The following DGCR8 variants were observed in gnomAD, a reference collection of about 807,000 sequenced individuals.
DGCR8 encodes the protein microprocessor complex subunit DGCR8.
DGCR8 carries 14 observed loss-of-function variants against 78.5 expected under a neutral mutation model. The observed-to-expected ratio is 0.18, with a 90% CI of 0.12 to 0.28. The LOEUF (loss-of-function observed/expected upper bound fraction) is 0.28, where lower values mean the gene tolerates loss of function less well. DGCR8 is among the 10% of genes least tolerant of loss of function. The pLI, the probability that DGCR8 is intolerant of heterozygous loss-of-function variation, is 1.00. For synonymous variants in DGCR8, 399 were observed against 402.4 expected, an observed-to-expected ratio of 0.99 and a Z score of 0.10; for missense variants, 702 against 1,022.5, an observed-to-expected ratio of 0.69 and a Z score of 4.28.
chr22:20,104,778 A>G (rs544466151), intron 9 of DGCR8, among the ~76,000 whole-genome samples: 33 of 152,110 alleles, frequency 2.2e-4, no homozygotes, highest in African/African-American at 7.0e-4. Flanking sequence ...TCGCTTGCCA[A>G]CCTCAGGGCT....
chr22:20,086,903 C>A lies in DGCR8; in HGVS notation c.720+220C>A. The A allele has an allele frequency of 1.3e-6, 1 of 740,816 alleles. No homozygotes were observed. Among genetic ancestry groups the A allele is most frequent in the Non-Finnish European group, 2.1e-6 (1 of 471,174 alleles). The allele number at this position is 740,816 out of a possible 1,614,324, so 45.9% of individuals were successfully genotyped here. On this transcript the variant is annotated intron_variant, in intron 2 of 13. Transcript: ENST00000351989. The surrounding 1 kb of genome is among the most constrained non-coding windows in gnomAD (Gnocchi z 6.4). ...AAGTTTGGCCCATGGGTAGGCCCTG[C>A]ATCCCTGATCTAGCGCGTGGGGCAG...
chr22:20,111,491 A>G lies in DGCR8; in HGVS notation c.*1383A>G, dbSNP rs1383276791. ...CTTTAAAAAAGAAACCCTCAACTCA[A>G]ATTGCTATAATTAGACACTTGCTTC... is the stretch of plus-strand genomic sequence containing the variant. On this transcript the variant is annotated 3_prime_UTR_variant, in exon 14 of 14. Coordinates refer to ENST00000351989, the MANE Select transcript of DGCR8 (RefSeq NM_022720.7). 2 of 397,964 alleles carry G rather than the reference A, an allele frequency of 5.0e-6. No individual in the cohort carries two copies. The highest frequency in any genetic ancestry group is 4.1e-5 in the African/African-American group (2 of 48,510). 24.7% of individuals were successfully genotyped at this position (397,964 alleles called of 1,614,324 possible).
chr22:20,103,091 T>C (rs975727507), intron 9 of DGCR8, among the ~76,000 whole-genome samples: 1 of 151,824 alleles, frequency 6.6e-6, no homozygotes, highest in African/African-American at 2.4e-5. Context: ...TGAGCCGAGA[T>C]TGTGCCATTG....
At chr22:20,106,022 G>A (rs1273137189) in intron 9 of DGCR8, among the ~76,000 whole-genome samples, 155 bp from the exon 10 acceptor site, 2 of 152,152 alleles carry the variant, frequency 1.3e-5, no homozygotes, top group Non-Finnish European at 2.9e-5. Context: ...AGCATGTCTT[G>A]TACCCGGTGG....
intron 9 of DGCR8, chr22:20,101,991 A>G (rs2049707936): frequency 2.0e-6 from 2 of 985,400 alleles, no homozygotes; most frequent in Non-Finnish European, 1.2e-6. Flanking sequence ...CTTTTCACAA[A>G]GCTTGTGGTG....
intron 1 of DGCR8, among the ~76,000 whole-genome samples, chr22:20,084,270 G>A (rs544788032): frequency 6.6e-5 from 10 of 152,328 alleles, no homozygotes; most frequent in African/African-American, 2.4e-4. Context: ...GGAATCTTGG[G>A]AGGATGTTAG....
Position 20,091,438 on chromosome 22 carries a change from T to G in DGCR8, c.1310T>G (p.Leu437Arg). ...VEVCKDESVD[L>R]EEFRSYLEKR... ...TTCTCTGGTAAATCTGGGACAGATC[T>G]CGAGGAATTTCGAAGCTACCTGGAG... is the stretch of plus-strand genomic sequence containing the variant. Residue 437 changes from leucine to arginine, a missense_variant, in exon 6 of 14, where the codon CTC (leucine) becomes CGC (arginine). Around this residue, in one of 4 missense-constraint regions of DGCR8, gnomAD observed 119 missense variants for 126.1 expected, o/e 0.94. Coordinates refer to ENST00000351989, the MANE Select transcript of DGCR8 (RefSeq NM_022720.7). The G allele has an allele frequency of 6.2e-7, 1 of 1,614,200 alleles. No individual in the cohort carries two copies. Among genetic ancestry groups the G allele is most frequent in the South Asian group, 1.1e-5 (1 of 91,086 alleles).
chr22:20,090,117 G>C lies in DGCR8; in HGVS notation c.1165G>C (p.Glu389Gln). 3.1e-6 allele frequency: 5 copies of C among 1,614,254 alleles called. No individual in the cohort carries two copies. The highest frequency in any genetic ancestry group is 4.2e-6 in the Non-Finnish European group (5 of 1,180,052). Residue 389 changes from glutamate (E) to glutamine (Q), a missense_variant, in exon 5 of 14, where the codon GAG (glutamate) becomes CAG (glutamine). Glu to Gln is a conservative substitution (Grantham distance 29). Transcript: ENST00000351989. ...VKPLSRSAEL[E>Q]FPLDEPDSMG... ...GCCCCTGAGCCGATCTGCAGAGCTG[G>C]AGTTTCCCCTGGATGAGCCTGACTC...
chr22:20,085,951 A>T lies in DGCR8; in HGVS notation c.-13A>T. 6.5e-7 allele frequency: 1 copy of T among 1,546,844 alleles called. No individual in the cohort carries two copies. Among genetic ancestry groups the T allele is most frequent in the Non-Finnish European group, 8.7e-7 (1 of 1,150,934 alleles). ...AACTCTGGTCTTGTAAACTAGTCTT[A>T]AGCGCTTTTAATATGGAGACAGATG... On this transcript the variant is annotated 5_prime_UTR_variant, in exon 2 of 14. Coordinates refer to ENST00000351989, the MANE Select transcript of DGCR8 (RefSeq NM_022720.7). The surrounding 1 kb of genome is among the most constrained non-coding windows in gnomAD (Gnocchi z 6.2).
At chr22:20,101,252 G>A in intron 9 of DGCR8, 3 of 985,396 alleles carry the variant, frequency 3.0e-6, no homozygotes, top group Non-Finnish European at 3.6e-6. Context: ...TGCCCCTCCT[G>A]AGAAGCTCTT....
chr22:20,083,270 A>C (rs1203221775), intron 1 of DGCR8, among the ~76,000 whole-genome samples: 1 of 151,398 alleles, frequency 6.6e-6, no homozygotes, highest in Non-Finnish European at 1.5e-5. Context: ...GACAGGGTGC[A>C]TGCTTTTCTT....
chr22:20,105,340 G>A (rs926888564), intron 9 of DGCR8, among the ~76,000 whole-genome samples: 4 of 152,174 alleles, frequency 2.6e-5, no homozygotes, highest in Non-Finnish European at 1.5e-5. Flanking sequence ...ACTTCAGAAT[G>A]GTGAGAGAAT....
rs2147908547 is a variant in DGCR8, at chr22:20,080,370, CG to C, written c.-290del. 1 of 972,980 alleles carries C rather than the reference CG, an allele frequency of 1.0e-6. No homozygotes were observed. The highest frequency in any genetic ancestry group is 6.5e-5 in the Admixed American group (1 of 15,298). The allele number at this position is 972,980 out of a possible 1,614,324, so 60.3% of individuals were successfully genotyped here. A position where few individuals can be genotyped will look rare whatever the true frequency, so the allele number is the denominator to read the frequency against. The stretch of plus-strand genomic sequence containing the variant: ...TTGGCTGCGGGCGGCTTGGGCAGCC[CG>C]CGGGCGCCTCAGGTAGGTGCGGGGC... On this transcript the variant is annotated 5_prime_UTR_variant, in exon 1 of 14. Coordinates refer to ENST00000351989, the MANE Select transcript of DGCR8 (RefSeq NM_022720.7).
intron 9 of DGCR8, among the ~76,000 whole-genome samples, chr22:20,095,127 G>T (rs1018774267): frequency 2.0e-5 from 3 of 151,720 alleles, no homozygotes; most frequent in Non-Finnish European, 2.9e-5. Flanking sequence ...TCTTTTTTTT[G>T]AGACAAAGTC....
chr22:20,093,130 G>T (rs1236163869), intron 8 of DGCR8, among the ~76,000 whole-genome samples: 2 of 152,168 alleles, frequency 1.3e-5, no homozygotes, highest in Non-Finnish European at 2.9e-5. Flanking sequence ...CCTCGGCCGG[G>T]CGTGGTGTCT....
intron 8 of DGCR8, among the ~76,000 whole-genome samples, chr22:20,093,437 T>G (rs116662725): frequency 0.023 from 3,488 of 151,586 alleles, 139 homozygotes; most frequent in African/African-American, 0.08. Context: ...CTCTACTGAG[T>G]GACAGCTGGG....
chr22:20,105,380 T>C (rs1236562805), intron 9 of DGCR8, among the ~76,000 whole-genome samples: 1 of 152,164 alleles, frequency 6.6e-6, no homozygotes, highest in Admixed American at 6.5e-5. Flanking sequence ...ACTGACTTTG[T>C]GGTATGTTGT....
chr22:20,109,119 C>T lies in DGCR8; in HGVS notation c.2238+116C>T, dbSNP rs955418827. The T allele has an allele frequency of 6.2e-5, 39 of 631,756 alleles. 1 individual carries two copies. Among genetic ancestry groups the T allele is most frequent in the Middle Eastern group, 4.0e-4 (1 of 2,512 alleles). 39.1% of individuals were successfully genotyped at this position (631,756 alleles called of 1,614,324 possible). ...GCTGACACCTTGGAAATGCTTGGAT[C>T]CTCCTTCCAAAATCAGATACAGGCT... On this transcript the variant is annotated intron_variant, in intron 13 of 13. Coordinates refer to ENST00000351989, the MANE Select transcript of DGCR8 (RefSeq NM_022720.7).
At chr22:20,100,552 C>T (rs896500333) in intron 9 of DGCR8, 16 of 985,206 alleles carry the variant, frequency 1.6e-5, no homozygotes, top group African/African-American at 1.7e-5. Context: ...AAAAGCCCTG[C>T]CTGTTCTTTG....
Sources: allele counts gnomAD v4.1 joint callset (sites outside exome capture counted in the v4.1 genomes callset), GRCh38; gene constraint gnomAD v4.1.1; regional missense constraint gnomAD v4.1.1; non-coding constraint Gnocchi (gnomAD v3.1); transcripts MANE v1.5; gene names NCBI Gene and HGNC (gene_info 2026-07-23, HGNC 2026-07-21).